Variants in BTBD16 observed in about 807,000 individuals in gnomAD.
BTBD16 encodes the protein BTB domain containing 16.
A neutral mutation model predicts 67.4 loss-of-function variants in BTBD16; 66 were observed. That is an observed-to-expected ratio of 0.98 (90% CI 0.80 to 1.20). BTBD16 has a LOEUF of 1.20. Ranked by LOEUF, BTBD16 falls within the 50% of genes most tolerant of loss-of-function variation. The pLI, the probability that BTBD16 is intolerant of heterozygous loss-of-function variation, is 0.00. For synonymous variants in BTBD16, 242 were observed against 236.4 expected (o/e 1.02, Z -0.22); for missense variants, 634 against 616.0 (o/e 1.03, Z -0.31).
intron 1 of BTBD16, among the ~76,000 whole-genome samples, chr10:122,273,221 GATATAT>G (rs71715395): frequency 6.0e-4 from 77 of 129,408 alleles, no homozygotes; most frequent in Admixed American, 1.1e-3. Context: ...GCAACACAAA[GATATAT>G]ATATATATAT....
chr10:122,287,573 C>A, intron 5 of BTBD16: 1 of 720,392 alleles, frequency 1.4e-6, no homozygotes, highest in South Asian at 6.2e-5. Flanking sequence ...ACCGATCAAG[C>A]CATGGGATTC....
intron 13 of BTBD16, chr10:122,333,115 C>A: frequency 3.8e-6 from 1 of 263,114 alleles, no homozygotes; most frequent in Non-Finnish European, 5.9e-6. Context: ...TATTTCAAGG[C>A]ACCCCCGCAG....
At chr10:122,275,207 CA>C in intron 2 of BTBD16, 108 bp downstream of exon 2, 1 of 1,089,944 alleles carries the variant, frequency 9.2e-7, no homozygotes, top group Admixed American at 1.8e-5. Context: ...CCGAGGACCT[CA>C]AGCATTATTG....
At chr10:122,273,734 C>G (rs1388585986) in intron 1 of BTBD16, among the ~76,000 whole-genome samples, 3 of 152,154 alleles carry the variant, frequency 2.0e-5, no homozygotes, top group Admixed American at 6.6e-5. Flanking sequence ...GGCAACAGAG[C>G]AAGACCCTGT....
chr10:122,304,875 T>A (rs1404500361), intron 9 of BTBD16, among the ~76,000 whole-genome samples: 1 of 152,098 alleles, frequency 6.6e-6, no homozygotes, highest in Non-Finnish European at 1.5e-5. Context: ...TTGGCAATGC[T>A]CATTTATGGA....
At chr10:122,312,357 G>T (rs2096415566) in intron 10 of BTBD16, among the ~76,000 whole-genome samples, 1 of 142,204 alleles carries the variant, frequency 7.0e-6, no homozygotes. Flanking sequence ...CTGTCTCCCA[G>T]GCTGGAGTGC....
chr10:122,336,898 T>C (rs527448823), intron 15 of BTBD16, among the ~76,000 whole-genome samples: 5 of 152,210 alleles, frequency 3.3e-5, no homozygotes, highest in African/African-American at 1.2e-4. Context: ...ATAACCCAAA[T>C]CAGACTACCT....
chr10:122,304,747 G>T (rs988779944), intron 9 of BTBD16, among the ~76,000 whole-genome samples: 1 of 151,956 alleles, frequency 6.6e-6, no homozygotes, highest in Non-Finnish European at 1.5e-5. Context: ...TAGAGACGGG[G>T]TTTCATCATG....
At chr10:122,272,671 A>G (rs1403524938) in intron 1 of BTBD16, among the ~76,000 whole-genome samples, 1 of 135,668 alleles carries the variant, frequency 7.4e-6, no homozygotes, top group East Asian at 2.2e-4. Flanking sequence ...GAGACTGGCA[A>G]AGGAAATACA....
Position 122,290,017 on chromosome 10 carries a change from A to G in BTBD16, c.475+19A>G, listed in dbSNP as rs2096371037. The G allele has an allele frequency of 6.7e-7, 1 of 1,494,342 alleles. No individual in the cohort carries two copies. The allele number at this position is 1,494,342 out of a possible 1,614,324, so 92.6% of individuals were successfully genotyped here. On this transcript the variant is annotated intron_variant, in intron 6 of 15. Coordinates refer to ENST00000260723, the MANE Select transcript of BTBD16 (RefSeq NM_144587.5). ...AAAGTCGGTATGTATATACCCGTCT[A>G]TATTCTGAGAATGCCATTGAACAAA...
At chr10:122,325,817 A>C (rs1338742731) in intron 10 of BTBD16, among the ~76,000 whole-genome samples, 2 of 151,962 alleles carry the variant, frequency 1.3e-5, no homozygotes, top group Non-Finnish European at 2.9e-5. Context: ...CTGGGATTAC[A>C]GGCACCCACC....
intron 7 of BTBD16, among the ~76,000 whole-genome samples, chr10:122,293,143 G>A (rs904541580): frequency 6.6e-6 from 1 of 152,126 alleles, no homozygotes; most frequent in Admixed American, 6.5e-5. Flanking sequence ...GGCAGGAGGT[G>A]GTCTGCCTGT....
intron 9 of BTBD16, among the ~76,000 whole-genome samples, chr10:122,299,936 G>A (rs78243204): frequency 0.035 from 5,254 of 152,116 alleles, 118 homozygotes; most frequent in Non-Finnish European, 0.054. Flanking sequence ...CAGCCACGGG[G>A]CCCCCCCTGA....
At chr10:122,273,163 C>G (rs1303222379) in intron 1 of BTBD16, among the ~76,000 whole-genome samples, 1 of 149,980 alleles carries the variant, frequency 6.7e-6, no homozygotes, top group Non-Finnish European at 1.5e-5. Context: ...ATACAGATCT[C>G]TGACATAACT....
chr10:122,302,168 T>G (rs1426214268), intron 9 of BTBD16, among the ~76,000 whole-genome samples: 1 of 152,228 alleles, frequency 6.6e-6, no homozygotes, highest in Non-Finnish European at 1.5e-5. Flanking sequence ...GCCGTCTCCA[T>G]CTGAAGTCCC....
At chr10:122,298,445 T>C (rs2096387628) in intron 8 of BTBD16, among the ~76,000 whole-genome samples, 1 of 152,216 alleles carries the variant, frequency 6.6e-6, no homozygotes, top group Non-Finnish European at 1.5e-5. Context: ...TTCTCAGCAA[T>C]GCTTGGGCTG....
Position 122,286,960 on chromosome 10 carries a change from G to A in BTBD16, c.385+712G>A, listed in dbSNP as rs184776110. 2.8e-3 allele frequency among the ~76,000 whole-genome samples: 424 copies of A among 152,296 alleles called. 3 individuals carry two copies. The highest frequency in any genetic ancestry group is 4.5e-3 in the Non-Finnish European group (309 of 68,032). ...GGAAAATTCGAGGCCCCCAAAGCCA[G>A]CCAGCATACCAGTCATGACGGACTT... On this transcript the variant is annotated intron_variant, in intron 5 of 15. Transcript: ENST00000260723.
intron 10 of BTBD16, 118 bp downstream of exon 10, chr10:122,307,426 G>A: frequency 9.0e-7 from 1 of 1,112,054 alleles, no homozygotes; most frequent in Non-Finnish European, 1.2e-6. Flanking sequence ...TCATTCAGAG[G>A]GCACTGTTTT....
intron 10 of BTBD16, chr10:122,327,467 C>A: frequency 2.5e-6 from 1 of 400,916 alleles, no homozygotes; most frequent in Non-Finnish European, 3.4e-6. Context: ...AAGGCACCAC[C>A]TGTGGCTACT....
Sources: gnomAD v4.1 joint callset for allele counts (sites outside exome capture counted in the v4.1 genomes callset) on GRCh38, gnomAD v4.1.1 for gene constraint, MANE v1.5 for transcripts, NCBI Gene and HGNC (gene_info 2026-07-23, HGNC 2026-07-21) for gene names.